The following STX8 variants were observed in gnomAD, a reference collection of about 807,000 sequenced individuals.
STX8 encodes the protein syntaxin 8.
A neutral mutation model predicts 37.5 loss-of-function variants in STX8; 23 were observed. That is an observed-to-expected ratio of 0.61 (90% CI 0.44 to 0.87). STX8 has a LOEUF of 0.87. STX8 is among the 40% of genes least tolerant of loss of function. The probability of loss-of-function intolerance (pLI) is 0.00; values close to 1 mark genes in which losing one functional copy is unlikely to be tolerated. For synonymous variants in STX8, 115 were observed against 99.1 expected (o/e 1.16, Z -0.95); for missense variants, 313 against 284.7 (o/e 1.10, Z -0.71).
At chr17:9,540,638 T>C (rs1906241816) in intron 4 of STX8, 1 of 152,272 alleles carries the variant, frequency 6.6e-6, no homozygotes, top group African/African-American at 2.4e-5. Context: ...CTCCATGTCA[T>C]CCAGAACGGA....
rs533441575 is a variant in STX8, at chr17:9,397,392, G to T, written c.542-18739C>A. Among the ~76,000 whole-genome samples, 9 of 152,160 alleles carry T rather than the reference G, an allele frequency of 5.9e-5. No homozygotes were observed. The East Asian group carries it at 1.7e-3, about 30-fold the overall frequency. On this transcript the variant is annotated intron_variant, in intron 6 of 7. Transcript: ENST00000306357. ...GCCTGGGTGACAAGAGCAAGACTCC[G>T]TGTTGAAAAATAACAACAACAACAA...
intron 7 of STX8, among the ~76,000 whole-genome samples, chr17:9,274,533 G>A (rs1907589012): frequency 6.6e-6 from 1 of 150,776 alleles, no homozygotes; most frequent in Non-Finnish European, 1.5e-5. Flanking sequence ...AAAATTAACC[G>A]GGCGTGTTGG....
At chr17:9,435,374 C>A (rs1275858996) in intron 6 of STX8, among the ~76,000 whole-genome samples, 2 of 152,022 alleles carry the variant, frequency 1.3e-5, no homozygotes, top group African/African-American at 4.8e-5. Context: ...AGGAGAGGAC[C>A]CCAATAAGAG....
intron 2 of STX8, among the ~76,000 whole-genome samples, chr17:9,562,327 A>G (rs1412771607): frequency 2.0e-5 from 3 of 151,542 alleles, no homozygotes; most frequent in Admixed American, 1.3e-4. Flanking sequence ...AATGGCGTGA[A>G]CCCGGGAGGC....
intron 7 of STX8, among the ~76,000 whole-genome samples, chr17:9,345,310 C>A (rs565457319): frequency 6.6e-6 from 1 of 152,178 alleles, no homozygotes; most frequent in Admixed American, 6.5e-5. Context: ...CCACCACACC[C>A]GGCTAATTTT....
chr17:9,257,653 C>T (rs1430892597), intron 7 of STX8, among the ~76,000 whole-genome samples: 2 of 152,164 alleles, frequency 1.3e-5, no homozygotes, highest in African/African-American at 2.4e-5. Context: ...CAAGGAAAGC[C>T]GCCTTAGCTG....
chr17:9,502,095 T>A (rs1316435869), intron 5 of STX8, among the ~76,000 whole-genome samples: 1 of 152,164 alleles, frequency 6.6e-6, no homozygotes, highest in Admixed American at 6.5e-5. Context: ...CCCTGCACAC[T>A]GTTGGTGGGG....
At chr17:9,255,099 C>T (rs8077896) in intron 7 of STX8, among the ~76,000 whole-genome samples, 45,230 of 152,006 alleles carry the variant, frequency 0.3, 7,017 homozygotes, top group Admixed American at 0.37. Context: ...ACAGTTTTAG[C>T]GCATGGTGGG....
chr17:9,339,735 T>A (rs974421842), intron 7 of STX8, among the ~76,000 whole-genome samples: 1 of 152,152 alleles, frequency 6.6e-6, no homozygotes, highest in Non-Finnish European at 1.5e-5. Context: ...TTTTTCTTTA[T>A]GAGACAGGAA....
chr17:9,407,255 T>G (rs1231599051), intron 6 of STX8, among the ~76,000 whole-genome samples: 2 of 152,188 alleles, frequency 1.3e-5, no homozygotes, highest in African/African-American at 4.8e-5. Flanking sequence ...GTCGAACTCC[T>G]AATCTCAAGT....
intron 3 of STX8, among the ~76,000 whole-genome samples, chr17:9,556,001 G>A (rs1391093995): frequency 6.6e-6 from 1 of 152,056 alleles, no homozygotes; most frequent in Non-Finnish European, 1.5e-5. Flanking sequence ...CAACTGTGCT[G>A]TAACAAATTA....
At chr17:9,324,259 C>T (rs140698769) in intron 7 of STX8, among the ~76,000 whole-genome samples, 381 of 152,262 alleles carry the variant, frequency 2.5e-3, no homozygotes, top group African/African-American at 7.8e-3. Flanking sequence ...TACCAGCCCA[C>T]AAACGCTGCT....
At chr17:9,567,675 A>G (rs1298841789) in intron 2 of STX8, among the ~76,000 whole-genome samples, 2 of 152,152 alleles carry the variant, frequency 1.3e-5, no homozygotes, top group Non-Finnish European at 2.9e-5. Flanking sequence ...GCCCAAAACT[A>G]AAGATGGTTT....
At chr17:9,374,748 G>C (rs1239289657) in intron 7 of STX8, among the ~76,000 whole-genome samples, 1 of 152,024 alleles carries the variant, frequency 6.6e-6, no homozygotes, top group Non-Finnish European at 1.5e-5. Flanking sequence ...CAGAAATAAT[G>C]ATCTCTAAAG....
intron 6 of STX8, among the ~76,000 whole-genome samples, chr17:9,484,822 G>C (rs1176034452): frequency 6.6e-6 from 1 of 152,138 alleles, no homozygotes; most frequent in African/African-American, 2.4e-5. Flanking sequence ...GCAAGATTCT[G>C]TCTCAAAAAA....
At chr17:9,303,191 T>C (rs773424765) in intron 7 of STX8, among the ~76,000 whole-genome samples, 7 of 152,124 alleles carry the variant, frequency 4.6e-5, no homozygotes, top group Non-Finnish European at 1.5e-5. Flanking sequence ...CTCAGGAGGC[T>C]GAGGCAGGAG....
intron 7 of STX8, among the ~76,000 whole-genome samples, chr17:9,297,504 G>C (rs1400394023): frequency 1.3e-5 from 2 of 152,172 alleles, no homozygotes; most frequent in East Asian, 3.9e-4. Flanking sequence ...TTTTATTTCA[G>C]CATTCGTGAC....
At chr17:9,417,512 T>G (rs1165915800) in intron 6 of STX8, among the ~76,000 whole-genome samples, 2 of 152,150 alleles carry the variant, frequency 1.3e-5, no homozygotes, top group Admixed American at 1.3e-4. Flanking sequence ...CTAAAACTCT[T>G]GTGATTTCCT....
chr17:9,534,805 T>C (rs1451641517), intron 4 of STX8, among the ~76,000 whole-genome samples: 1 of 151,578 alleles, frequency 6.6e-6, no homozygotes, highest in Non-Finnish European at 1.5e-5. Context: ...AAGGCAAAAC[T>C]CTTAAAAAGA....
Sources: allele counts gnomAD v4.1 joint callset (sites outside exome capture counted in the v4.1 genomes callset), GRCh38; gene constraint gnomAD v4.1.1; transcripts MANE v1.5; gene names NCBI Gene and HGNC (gene_info 2026-07-23, HGNC 2026-07-21).